MGMT: variants seen among roughly 807,000 people sequenced by gnomAD.
The protein encoded by MGMT is methylated-DNA--protein-cysteine methyltransferase.
MGMT carries 14 observed loss-of-function variants against 15.9 expected under a neutral mutation model. That is an observed-to-expected ratio of 0.88 (90% CI 0.58 to 1.37). MGMT has a LOEUF of 1.37. Ranked by LOEUF, MGMT falls within the 40% of genes most tolerant of loss-of-function variation. The pLI, the probability that MGMT is intolerant of heterozygous loss-of-function variation, is 0.00. For missense variants in MGMT, 282 were observed against 268.1 expected, an observed-to-expected ratio of 1.05 and a Z score of -0.36; for synonymous variants, 130 against 118.2, an observed-to-expected ratio of 1.10 and a Z score of -0.65.
At chr10:129,657,706 C>T (rs1039198422) in intron 2 of MGMT, among the ~76,000 whole-genome samples, 17 of 121,060 alleles carry the variant, frequency 1.4e-4, no homozygotes, top group Admixed American at 2.4e-4. Flanking sequence ...CACACACACA[C>T]GCACACACAC....
intron 2 of MGMT, among the ~76,000 whole-genome samples, chr10:129,611,409 C>T (rs1846958245): frequency 1.3e-5 from 2 of 152,162 alleles, no homozygotes; most frequent in African/African-American, 4.8e-5. Flanking sequence ...CTTGAGAACT[C>T]ACTCACTATC....
intron 1 of MGMT, among the ~76,000 whole-genome samples, chr10:129,526,445 G>C (rs1230054766): frequency 6.6e-6 from 1 of 152,078 alleles, no homozygotes; most frequent in Non-Finnish European, 1.5e-5. Flanking sequence ...ACACAGACCC[G>C]AAGCCCAGGC....
At chr10:129,541,966 G>A (rs1846046698) in intron 2 of MGMT, among the ~76,000 whole-genome samples, 1 of 152,164 alleles carries the variant, frequency 6.6e-6, no homozygotes. Context: ...TGGACAGATA[G>A]GGCCTTCAGT....
chr10:129,572,577 G>A (rs892004167), intron 2 of MGMT, among the ~76,000 whole-genome samples: 3 of 152,186 alleles, frequency 2.0e-5, no homozygotes, highest in African/African-American at 7.2e-5. Context: ...AGAATTAAGT[G>A]TGGAAGTCAA....
rs1055927386 is a variant in MGMT, at chr10:129,532,133, G to A, written c.-12-4108G>A. On this transcript the variant is annotated intron_variant, in intron 1 of 4. Coordinates refer to ENST00000651593, the MANE Select transcript of MGMT (RefSeq NM_002412.5). The surrounding 1 kb of genome is among the most constrained non-coding windows in gnomAD (Gnocchi z 5.3). ...GGCTTCAGGCCACCTTTGCTGGTCA[G>A]GGGAGCTGGTTCAGAGGGCTTGAGG... is the stretch of plus-strand genomic sequence containing the variant. Among the ~76,000 whole-genome samples, 2 of 152,236 alleles carry A rather than the reference G, an allele frequency of 1.3e-5. No homozygotes were observed. Among genetic ancestry groups the A allele is most frequent in the Non-Finnish European group, 2.9e-5 (2 of 68,032 alleles).
chr10:129,570,707 T>G (rs756468007), intron 2 of MGMT, among the ~76,000 whole-genome samples: 1 of 152,228 alleles, frequency 6.6e-6, no homozygotes, highest in African/African-American at 2.4e-5. Flanking sequence ...TGAAAAAAAT[T>G]GACTATTCAT....
chr10:129,549,162 T>A (rs1332159871), intron 2 of MGMT, among the ~76,000 whole-genome samples: 1 of 152,220 alleles, frequency 6.6e-6, no homozygotes, highest in African/African-American at 2.4e-5. Flanking sequence ...ATGAGGTTCC[T>A]CCCTCAGAAT....
At chr10:129,558,024 C>T (rs138403732) in intron 2 of MGMT, among the ~76,000 whole-genome samples, 74 of 152,122 alleles carry the variant, frequency 4.9e-4, no homozygotes, top group African/African-American at 1.6e-3. Context: ...TGGACAGCTG[C>T]GGGAAGAGGT....
intron 2 of MGMT, among the ~76,000 whole-genome samples, chr10:129,634,285 A>G (rs1350866566): frequency 2.0e-5 from 3 of 151,992 alleles, no homozygotes; most frequent in African/African-American, 7.3e-5. Context: ...CCCCTTATCA[A>G]TTTTTTGAAC....
intron 3 of MGMT, among the ~76,000 whole-genome samples, chr10:129,720,849 C>A (rs1024504874): frequency 2.6e-5 from 4 of 152,096 alleles, no homozygotes; most frequent in Admixed American, 6.5e-5. Context: ...ATTGAATGGG[C>A]CTTCCCTGCC....
At chr10:129,759,096 C>T (rs1848840227) in intron 3 of MGMT, 106 bp from the exon 4 acceptor site, 11 of 1,381,864 alleles carry the variant, frequency 8.0e-6, no homozygotes, top group Non-Finnish European at 1.1e-5. Context: ...AGTATAATAC[C>T]TCTATTTGTG....
intron 1 of MGMT, among the ~76,000 whole-genome samples, chr10:129,492,622 C>T (rs1845480357): frequency 6.6e-6 from 1 of 152,204 alleles, no homozygotes; most frequent in African/African-American, 2.4e-5. Context: ...GGTTTCCCTT[C>T]CCAGGTGGAG....
chr10:129,646,928 C>A (rs1013856695), intron 2 of MGMT, among the ~76,000 whole-genome samples: 1 of 151,250 alleles, frequency 6.6e-6, no homozygotes, highest in Non-Finnish European at 1.5e-5. Flanking sequence ...CCCCTCCGTC[C>A]TCTTTCCCCT....
intron 2 of MGMT, among the ~76,000 whole-genome samples, chr10:129,555,099 G>A (rs944539682): frequency 3.9e-5 from 6 of 152,204 alleles, no homozygotes; most frequent in African/African-American, 1.4e-4. Flanking sequence ...TGAGGATGAC[G>A]ATGGTGCTAT....
chr10:129,750,787 T>G (rs932018237), intron 3 of MGMT, among the ~76,000 whole-genome samples: 2 of 152,152 alleles, frequency 1.3e-5, no homozygotes, highest in Admixed American at 6.5e-5. Flanking sequence ...TGTGTGTGCC[T>G]GTTTCATTGA....
intron 2 of MGMT, among the ~76,000 whole-genome samples, chr10:129,568,899 G>A (rs1846385494): frequency 6.6e-6 from 1 of 152,192 alleles, no homozygotes; most frequent in Admixed American, 6.5e-5. Context: ...TACATTCCTG[G>A]AATCCAGGTT....
intron 2 of MGMT, among the ~76,000 whole-genome samples, chr10:129,691,247 CTG>C (rs1473498414): frequency 6.6e-6 from 1 of 152,222 alleles, no homozygotes; most frequent in Non-Finnish European, 1.5e-5. Context: ...TGTGGCACAG[CTG>C]TGTCTGTCCC....
At chr10:129,477,114 C>G (rs1034030266) in intron 1 of MGMT, among the ~76,000 whole-genome samples, 42 of 152,246 alleles carry the variant, frequency 2.8e-4, no homozygotes, top group African/African-American at 9.9e-4. Flanking sequence ...CCCTCTCTTC[C>G]CAGAGCAGCC....
chr10:129,581,897 A>G (rs1018829251), intron 2 of MGMT, among the ~76,000 whole-genome samples: 3 of 152,194 alleles, frequency 2.0e-5, no homozygotes, highest in African/African-American at 7.2e-5. Flanking sequence ...CTTAATATTT[A>G]AAAAATAGGA....
Sources: gnomAD v4.1 joint callset for allele counts (sites outside exome capture counted in the v4.1 genomes callset) on GRCh38, gnomAD v4.1.1 for gene constraint, Gnocchi (gnomAD v3.1) non-coding constraint, MANE v1.5 for transcripts, NCBI Gene and HGNC (gene_info 2026-07-23, HGNC 2026-07-21) for gene names.